MYOM2: variants seen among roughly 807,000 people sequenced by gnomAD.
MYOM2 encodes myomesin 2.
Under a neutral mutation model 187.6 loss-of-function variants are expected in MYOM2, and 254 were observed. The ratio of observed to expected loss-of-function variants is 1.35; its 90% CI spans 1.22 to 1.50. The LOEUF (loss-of-function observed/expected upper bound fraction) is 1.50. Among genes scored for constraint, MYOM2 ranks in the 40% most tolerant of loss-of-function variants. The pLI, the probability that MYOM2 is intolerant of heterozygous loss-of-function variation, is 0.00. For synonymous variants in MYOM2, 981 were observed against 753.8 expected, an observed-to-expected ratio of 1.30 and a Z score of -4.94; for missense variants, 2,796 against 1,924.0, an observed-to-expected ratio of 1.45 and a Z score of -8.48.
chr8:2,074,493 C>T (rs760300909), intron 10 of MYOM2, among the ~76,000 whole-genome samples: 7 of 152,066 alleles, frequency 4.6e-5, no homozygotes, highest in East Asian at 3.9e-4. Context: ...AACACTCTGT[C>T]GCCCAGGCTG....
At chr8:2,056,274 G>GA (rs1287891618) in intron 3 of MYOM2, among the ~76,000 whole-genome samples, 1 of 152,194 alleles carries the variant, frequency 6.6e-6, no homozygotes, top group African/African-American at 2.4e-5. Context: ...AGTTTTGATT[G>GA]AAAGGGATGG....
intron 25 of MYOM2, among the ~76,000 whole-genome samples, chr8:2,113,108 G>A (rs181097547): frequency 5.3e-5 from 8 of 152,340 alleles, no homozygotes; most frequent in East Asian, 3.9e-4. Context: ...TGAGACTACC[G>A]TATTGGTAAC....
intron 11 of MYOM2, among the ~76,000 whole-genome samples, chr8:2,077,853 A>T (rs1410941392): frequency 3.3e-5 from 5 of 152,230 alleles, no homozygotes; most frequent in Non-Finnish European, 1.5e-5. Flanking sequence ...ACGACTTGCC[A>T]GCTGTTGCCT....
intron 14 of MYOM2, among the ~76,000 whole-genome samples, chr8:2,088,647 C>T (rs1563449588): frequency 6.6e-6 from 1 of 152,174 alleles, no homozygotes; most frequent in Non-Finnish European, 1.5e-5. Context: ...GTGGGGGCAC[C>T]ACATTTTCTC....
chr8:2,064,552 G>A (rs1298427429), intron 6 of MYOM2, among the ~76,000 whole-genome samples: 1 of 152,312 alleles, frequency 6.6e-6, no homozygotes, highest in East Asian at 1.9e-4. Flanking sequence ...GCTGCGGGAG[G>A]CCAAGCGGAT....
chr8:2,090,279 TTAA>T, intron 15 of MYOM2, 88 bp downstream of exon 15: 1 of 1,300,764 alleles, frequency 7.7e-7, no homozygotes, highest in Non-Finnish European at 1.0e-6. Flanking sequence ...AATAAAGACA[TTAA>T]TGTTATAAAC....
At chr8:2,066,505 T>C (rs557254580) in intron 6 of MYOM2, among the ~76,000 whole-genome samples, 10 of 152,138 alleles carry the variant, frequency 6.6e-5, no homozygotes, top group African/African-American at 1.9e-4. Flanking sequence ...AAGAATATAT[T>C]TGGGTTTGGA....
Position 2,072,526 on chromosome 8 carries a change from C to A in MYOM2, c.958+17C>A. ...ACCGCGATGGTGAGTAGGACACGGC[C>A]CAGACCCGGGCACACACCAGGAGGC... On this transcript the variant is annotated intron_variant, in intron 9 of 36. Coordinates refer to ENST00000262113, the MANE Select transcript of MYOM2 (RefSeq NM_003970.4). The A allele has an allele frequency of 6.2e-7, 1 of 1,607,536 alleles. No homozygotes were observed. The highest frequency in any genetic ancestry group is 8.5e-7 in the Non-Finnish European group (1 of 1,177,942).
At chr8:2,115,894 T>G in intron 25 of MYOM2, 66 bp from the exon 26 acceptor site, 1 of 1,532,038 alleles carries the variant, frequency 6.5e-7, no homozygotes, top group Non-Finnish European at 8.9e-7. Flanking sequence ...AATTGTTAAA[T>G]GTTGCAAGGG....
intron 31 of MYOM2, among the ~76,000 whole-genome samples, chr8:2,128,443 T>G (rs1218848510): frequency 6.6e-6 from 1 of 152,220 alleles, no homozygotes; most frequent in African/African-American, 2.4e-5. Context: ...TGAATGTAAA[T>G]TTCCAAGGCT....
At chr8:2,139,516 G>A (rs1020247355) in intron 32 of MYOM2, among the ~76,000 whole-genome samples, 1 of 152,162 alleles carries the variant, frequency 6.6e-6, no homozygotes, top group African/African-American at 2.4e-5. Flanking sequence ...CTATGATGGT[G>A]AGGAGGGCTG....
chr8:2,136,932 T>C (rs901955290), intron 32 of MYOM2, among the ~76,000 whole-genome samples: 69 of 152,230 alleles, frequency 4.5e-4, no homozygotes, highest in African/African-American at 1.6e-3. Flanking sequence ...CCCAGTGAAT[T>C]TCACCTGTTG....
intron 13 of MYOM2, among the ~76,000 whole-genome samples, chr8:2,084,400 G>T (rs1585873364): frequency 6.6e-6 from 1 of 152,336 alleles, no homozygotes; most frequent in South Asian, 2.1e-4. Context: ...AGAGTCCTGA[G>T]GGAGCAACTG....
At chr8:2,118,012 G>T (rs1022454156) in intron 28 of MYOM2, 60 bp downstream of exon 28, 2 of 1,451,008 alleles carry the variant, frequency 1.4e-6, no homozygotes, top group Non-Finnish European at 1.9e-6. Flanking sequence ...TATCAGAGAG[G>T]CCTTTCAGGG....
chr8:2,122,001 A>G (rs1364693122), intron 28 of MYOM2, among the ~76,000 whole-genome samples: 1 of 152,242 alleles, frequency 6.6e-6, no homozygotes, highest in African/African-American at 2.4e-5. Context: ...TTATAGGACA[A>G]ATACATTAAT....
In MYOM2 at chr8:2,140,891, G is replaced by A. The variant is rs756531362; in HGVS notation, c.3964+5G>A. 6.2e-7 allele frequency: 1 copy of A among 1,600,540 alleles called. No homozygotes were observed. The highest frequency in any genetic ancestry group is 8.5e-7 in the Non-Finnish European group (1 of 1,172,366). On this transcript the variant is annotated splice_donor_5th_base_variant and intron_variant, in intron 33 of 36. Coordinates refer to ENST00000262113, the MANE Select transcript of MYOM2 (RefSeq NM_003970.4). ...CCCTTGACCTGTCCGGACAAGGTAA[G>A]AGAATTCTTCTTTAGCATTTAATAA...
At chr8:2,130,062 C>T (rs1027862054) in intron 32 of MYOM2, among the ~76,000 whole-genome samples, 3 of 152,074 alleles carry the variant, frequency 2.0e-5, no homozygotes, top group Non-Finnish European at 2.9e-5. Flanking sequence ...CAGATGTTAA[C>T]GCCCGTCAGT....
chr8:2,085,454 C>G (rs1336216055), intron 14 of MYOM2, 64 bp downstream of exon 14: 10 of 1,571,668 alleles, frequency 6.4e-6, no homozygotes. Context: ...GTCATGATCT[C>G]TGCGTGGCCC....
At chr8:2,115,310 A>C (rs559150327) in intron 25 of MYOM2, among the ~76,000 whole-genome samples, 23 of 152,376 alleles carry the variant, frequency 1.5e-4, no homozygotes, top group African/African-American at 5.3e-4. Context: ...AATTTGCTCA[A>C]TTCATCTGTG....
Sources: allele counts gnomAD v4.1 joint callset (sites outside exome capture counted in the v4.1 genomes callset), GRCh38; gene constraint gnomAD v4.1.1; transcripts MANE v1.5; gene names NCBI Gene and HGNC (gene_info 2026-07-23, HGNC 2026-07-21).